RUFY2: variants seen among roughly 807,000 people sequenced by gnomAD.
RUFY2 encodes RUN and FYVE domain-containing protein 2.
A neutral mutation model predicts 94.4 loss-of-function variants in RUFY2; 49 were observed. The observed-to-expected ratio is 0.52, with a 90% CI of 0.41 to 0.66. The LOEUF (loss-of-function observed/expected upper bound fraction) is 0.66. Among genes scored for constraint, RUFY2 ranks in the 30% least tolerant of loss-of-function variants. The pLI is 0.00. For missense variants in RUFY2, 541 were observed against 692.8 expected, an observed-to-expected ratio of 0.78 and a Z score of 2.46; for synonymous variants, 255 against 235.7, an observed-to-expected ratio of 1.08 and a Z score of -0.75.
chr10:68,392,029 CT>C (rs139099039), intron 7 of RUFY2, among the ~76,000 whole-genome samples: 84 of 144,598 alleles, frequency 5.8e-4, no homozygotes, highest in African/African-American at 5.0e-4. Flanking sequence ...TCTTTCTTTT[CT>C]TTTTTTTTTT....
At chr10:68,347,371 G>A (rs527372925) in intron 16 of RUFY2, among the ~76,000 whole-genome samples, 26 of 135,928 alleles carry the variant, frequency 1.9e-4, no homozygotes, top group East Asian at 1.8e-3. Flanking sequence ...CGCAACCTCC[G>A]TCTCCCAGGT....
At chr10:68,375,272 G>A (rs778150195) in intron 13 of RUFY2, among the ~76,000 whole-genome samples, 1 of 135,984 alleles carries the variant, frequency 7.4e-6, no homozygotes, top group Non-Finnish European at 1.5e-5. Context: ...AAGAACTTAC[G>A]AACACAGAGA....
Position 68,364,150 on chromosome 10 carries a change from T to C in RUFY2, c.1326-37A>G, listed in dbSNP as rs150943307. 5.0e-6 allele frequency: 8 copies of C among 1,587,456 alleles called. No individual in the cohort carries two copies. In the East Asian group the frequency reaches 1.6e-4, roughly 31 times the overall value. On this transcript the variant is annotated intron_variant, in intron 13 of 17. Coordinates refer to ENST00000602465, the MANE Select transcript of RUFY2 (RefSeq NM_001330103.2). ...AATAACACACAGAAGCTCAGTGCTA[T>C]TTCTCACACGACAGTTGTTATGTAT...
chr10:68,373,969 G>T (rs1441723620), intron 13 of RUFY2, among the ~76,000 whole-genome samples: 1 of 151,742 alleles, frequency 6.6e-6, no homozygotes, highest in Non-Finnish European at 1.5e-5. Context: ...AAATAAGTTA[G>T]CTGGGTATGG....
intron 16 of RUFY2, among the ~76,000 whole-genome samples, chr10:68,352,520 G>A (rs1331165135): frequency 6.6e-6 from 1 of 152,126 alleles, no homozygotes; most frequent in East Asian, 1.9e-4. Context: ...AAATAATGAC[G>A]TAACCAAGTA....
chr10:68,356,683 G>A (rs185402526), intron 15 of RUFY2, among the ~76,000 whole-genome samples: 36 of 151,700 alleles, frequency 2.4e-4, no homozygotes, highest in African/African-American at 7.5e-4. Flanking sequence ...GAGTAGATGG[G>A]ATTAGAGGCA....
chr10:68,346,919 T>C (rs1052104906), intron 16 of RUFY2, among the ~76,000 whole-genome samples: 1 of 152,172 alleles, frequency 6.6e-6, no homozygotes, highest in African/African-American at 2.4e-5. Flanking sequence ...GGAGGATTGC[T>C]TGAGGCCAGG....
chr10:68,354,967 C>A (rs555537286), intron 16 of RUFY2, among the ~76,000 whole-genome samples: 1 of 152,034 alleles, frequency 6.6e-6, no homozygotes, highest in South Asian at 2.1e-4. Flanking sequence ...CTGCCTCAGC[C>A]TCCTGAGTGG....
Position 68,345,660 on chromosome 10 carries a change from A to G in RUFY2, c.*108T>C. On this transcript the variant is annotated 3_prime_UTR_variant, in exon 18 of 18. Transcript: ENST00000602465. ...AATATGTAGAAGATAAACTGGTACC[A>G]AATACTGACCGAAAGCCGCTTAAGG... 7.5e-6 allele frequency: 7 copies of G among 927,916 alleles called. 1 individual carries two copies. The South Asian group carries it at 1.2e-4, about 16-fold the overall frequency. The allele number at this position is 927,916 out of a possible 1,614,324, so 57.5% of individuals were successfully genotyped here.
chr10:68,395,344 A>AT (rs2050315975), intron 4 of RUFY2, among the ~76,000 whole-genome samples: 1 of 151,230 alleles, frequency 6.6e-6, no homozygotes, highest in South Asian at 2.1e-4. Flanking sequence ...TCTCAAGAAA[A>AT]TAAAAAAAAA....
Position 68,345,752 on chromosome 10 carries a change from A to G in RUFY2, c.*16T>C. On this transcript the variant is annotated 3_prime_UTR_variant, in exon 18 of 18. Coordinates refer to ENST00000602465, the MANE Select transcript of RUFY2 (RefSeq NM_001330103.2). ...ATTGTAGGTAATTTCATACATAAGG[A>G]TTTAGTTCTGGAGTCTCAGGGCAAG... 1 of 1,603,626 alleles carries G rather than the reference A, an allele frequency of 6.2e-7. No homozygotes were observed. Among genetic ancestry groups the G allele is most frequent in the Non-Finnish European group, 8.5e-7 (1 of 1,173,316 alleles).
intron 11 of RUFY2, among the ~76,000 whole-genome samples, chr10:68,379,876 C>T (rs10823185): frequency 0.11 from 15,901 of 150,594 alleles, 1,060 homozygotes; most frequent in South Asian, 0.25. Context: ...GGCACCATCT[C>T]GCCTCACTGC....
chr10:68,396,478 T>C (rs751346907), intron 4 of RUFY2, among the ~76,000 whole-genome samples: 2 of 152,114 alleles, frequency 1.3e-5, no homozygotes, highest in Non-Finnish European at 2.9e-5. Flanking sequence ...AGAAATGTAT[T>C]ATATACGGCA....
chr10:68,364,601 T>A (rs1332510160), intron 13 of RUFY2, among the ~76,000 whole-genome samples: 2 of 152,160 alleles, frequency 1.3e-5, no homozygotes, highest in Admixed American at 6.6e-5. Context: ...TGCAGAGTGC[T>A]AATTTGCAAA....
intron 12 of RUFY2, chr10:68,377,933 A>C (rs1411763685): frequency 7.1e-6 from 7 of 985,274 alleles, no homozygotes; most frequent in Admixed American, 6.2e-5. Context: ...AGGAAGGGAG[A>C]GTAACATTTA....
chr10:68,381,028 C>T (rs2049025190), intron 11 of RUFY2, among the ~76,000 whole-genome samples: 1 of 152,098 alleles, frequency 6.6e-6, no homozygotes. Flanking sequence ...AATCTTTCAA[C>T]ATTAAAAATT....
chr10:68,400,962 G>C (rs190154969), intron 3 of RUFY2, among the ~76,000 whole-genome samples: 1 of 152,062 alleles, frequency 6.6e-6, no homozygotes, highest in Non-Finnish European at 1.5e-5. Flanking sequence ...GCAGTGAGCC[G>C]AGATCGTGCC....
intron 3 of RUFY2, among the ~76,000 whole-genome samples, chr10:68,399,797 T>C (rs960157520): frequency 6.6e-6 from 1 of 152,146 alleles, no homozygotes; most frequent in African/African-American, 2.4e-5. Context: ...AGCACTTTTT[T>C]TGAGACAGAG....
intron 16 of RUFY2, 143 bp downstream of exon 16, chr10:68,355,210 G>A: frequency 1.7e-6 from 1 of 583,056 alleles, no homozygotes; most frequent in Admixed American, 3.4e-5. Context: ...GGGAAGAGCT[G>A]AACCCCCAGC....
Sources: allele counts gnomAD v4.1 joint callset (sites outside exome capture counted in the v4.1 genomes callset), GRCh38; gene constraint gnomAD v4.1.1; transcripts MANE v1.5; gene names NCBI Gene and HGNC (gene_info 2026-07-23, HGNC 2026-07-21).